Variants in GALNT17 observed in about 807,000 individuals in gnomAD.
GALNT17 encodes the protein UDP-GalNAc:polypeptide N-acetylgalactosaminyltransferase-like 3.
In GALNT17, 29 loss-of-function variants were observed where a neutral mutation model predicts 63.7. The observed-to-expected ratio is 0.46, with a 90% confidence interval of 0.34 to 0.62. The LOEUF is 0.62. Among genes scored for constraint, GALNT17 ranks in the 20% least tolerant of loss-of-function variants. The pLI is 0.01. For missense variants in GALNT17, 603 were observed against 799.6 expected (o/e 0.75, Z 2.97); for synonymous variants, 305 against 318.3 (o/e 0.96, Z 0.45).
chr7:71,620,953 G>A (rs968390976), intron 6 of GALNT17, among the ~76,000 whole-genome samples: 1 of 152,112 alleles, frequency 6.6e-6, no homozygotes, highest in African/African-American at 2.4e-5. Flanking sequence ...ACTGCCTGTG[G>A]GACAATGGAC....
chr7:71,623,644 G>A (rs947845689), intron 6 of GALNT17, among the ~76,000 whole-genome samples: 1 of 151,800 alleles, frequency 6.6e-6, no homozygotes, highest in Non-Finnish European at 1.5e-5. Flanking sequence ...TTACGTTGGC[G>A]AGGCTGGTCT....
intron 1 of GALNT17, among the ~76,000 whole-genome samples, chr7:71,158,643 C>T (rs912142234): frequency 6.6e-6 from 1 of 151,726 alleles, no homozygotes; most frequent in Non-Finnish European, 1.5e-5. Context: ...GTGGCACAAT[C>T]TTGGCTAACT....
At chr7:71,264,623 G>A (rs1790453860) in intron 1 of GALNT17, among the ~76,000 whole-genome samples, 1 of 152,144 alleles carries the variant, frequency 6.6e-6, no homozygotes, top group Non-Finnish European at 1.5e-5. Context: ...TGGTGTGTAT[G>A]CACAGCAGAG....
chr7:71,522,251 C>A, intron 5 of GALNT17, among the ~76,000 whole-genome samples: 1 of 152,150 alleles, frequency 6.6e-6, no homozygotes, highest in Non-Finnish European at 1.5e-5. Context: ...GCATGGTTGG[C>A]CCTTCCTGAG....
chr7:71,413,076 A>G (rs1036111835), intron 3 of GALNT17, among the ~76,000 whole-genome samples: 3 of 152,124 alleles, frequency 2.0e-5, no homozygotes, highest in African/African-American at 7.2e-5. Flanking sequence ...AAATAAATCA[A>G]TGGCATCTTC....
chr7:71,624,925 G>T (rs922147720), intron 6 of GALNT17, among the ~76,000 whole-genome samples: 5 of 152,076 alleles, frequency 3.3e-5, no homozygotes, highest in African/African-American at 1.2e-4. Context: ...CAATGACATC[G>T]TGCCATGTGA....
intron 1 of GALNT17, among the ~76,000 whole-genome samples, chr7:71,230,918 C>T (rs764677206): frequency 2.0e-5 from 3 of 152,076 alleles, no homozygotes; most frequent in African/African-American, 2.4e-5. Context: ...TGGGCCCCAC[C>T]GCAGACTCAT....
intron 5 of GALNT17, among the ~76,000 whole-genome samples, chr7:71,450,522 C>G (rs1787242696): frequency 6.6e-6 from 1 of 152,110 alleles, no homozygotes; most frequent in Non-Finnish European, 1.5e-5. Context: ...AAAAGACAGC[C>G]TTGGTGAGAT....
At chr7:71,405,318 T>C (rs997787431) in intron 3 of GALNT17, among the ~76,000 whole-genome samples, 9 of 152,122 alleles carry the variant, frequency 5.9e-5, no homozygotes, top group African/African-American at 1.7e-4. Flanking sequence ...CTTAGTCCAT[T>C]TGGGGACTGC....
At chr7:71,427,205 A>T (rs543798217) in intron 5 of GALNT17, among the ~76,000 whole-genome samples, 1 of 150,776 alleles carries the variant, frequency 6.6e-6, no homozygotes, top group Non-Finnish European at 1.5e-5. Flanking sequence ...TCAGCCTACC[A>T]AGTAGCTGGG....
intron 2 of GALNT17, among the ~76,000 whole-genome samples, chr7:71,372,121 C>T (rs1268611164): frequency 6.6e-6 from 1 of 152,206 alleles, no homozygotes; most frequent in East Asian, 1.9e-4. Flanking sequence ...GCTAAGACTA[C>T]AGGCACGCAC....
intron 6 of GALNT17, among the ~76,000 whole-genome samples, chr7:71,652,363 G>A (rs1019106462): frequency 6.6e-6 from 1 of 152,094 alleles, no homozygotes; most frequent in Non-Finnish European, 1.5e-5. Context: ...TTTTTAAAAG[G>A]ACTTTAGGAG....
intron 2 of GALNT17, among the ~76,000 whole-genome samples, chr7:71,340,921 C>T (rs906900559): frequency 2.0e-5 from 3 of 152,204 alleles, no homozygotes; most frequent in African/African-American, 7.2e-5. Flanking sequence ...GCTTGTAATT[C>T]CAGCTACTTG....
At chr7:71,443,316 G>A (rs963013472) in intron 5 of GALNT17, among the ~76,000 whole-genome samples, 3 of 152,068 alleles carry the variant, frequency 2.0e-5, no homozygotes, top group African/African-American at 4.8e-5. Context: ...AAGCATGACG[G>A]TCTTTACACG....
intron 5 of GALNT17, among the ~76,000 whole-genome samples, chr7:71,439,345 G>A (rs1787024245): frequency 6.6e-6 from 1 of 152,214 alleles, no homozygotes; most frequent in African/African-American, 2.4e-5. Flanking sequence ...TGAAATACAT[G>A]CTATTTCTTG....
At chr7:71,702,069 A>G (rs1791659478) in intron 9 of GALNT17, among the ~76,000 whole-genome samples, 1 of 151,832 alleles carries the variant, frequency 6.6e-6, no homozygotes. Flanking sequence ...GTTCTCACTT[A>G]TAAGTGGGAG....
intron 6 of GALNT17, among the ~76,000 whole-genome samples, chr7:71,649,613 ACAC>A (rs1326941890): frequency 4.3e-5 from 2 of 46,370 alleles, no homozygotes; most frequent in Non-Finnish European, 8.8e-5. Context: ...TCAGGATTAA[ACAC>A]ACACACACAC....
chr7:71,415,323 C>A (rs1164691105), intron 3 of GALNT17, among the ~76,000 whole-genome samples: 2 of 152,140 alleles, frequency 1.3e-5, no homozygotes, highest in African/African-American at 4.8e-5. Flanking sequence ...TGAAATTAAT[C>A]TAGCAACCTC....
intron 1 of GALNT17, among the ~76,000 whole-genome samples, chr7:71,250,619 G>A (rs139825125): frequency 6.6e-6 from 1 of 152,194 alleles, no homozygotes; most frequent in East Asian, 1.9e-4. Context: ...CACCCTAGAC[G>A]TTTTTCCCCT....
Sources: gnomAD v4.1 joint callset for allele counts (sites outside exome capture counted in the v4.1 genomes callset) on GRCh38, gnomAD v4.1.1 for gene constraint, MANE v1.5 for transcripts, NCBI Gene and HGNC (gene_info 2026-07-23, HGNC 2026-07-21) for gene names.